The following TBC1D5 variants were observed in gnomAD, a reference collection of about 807,000 sequenced individuals.
TBC1D5 encodes TBC1 domain family member 5, also known as TBC1 domain family, member 5.
A neutral mutation model predicts 100.3 loss-of-function variants in TBC1D5; 75 were observed. The ratio of observed to expected loss-of-function variants is 0.75; its 90% CI spans 0.62 to 0.91. TBC1D5 has a LOEUF of 0.91. TBC1D5 is among the 40% of genes least tolerant of loss of function. The pLI is 0.00. For synonymous variants in TBC1D5, 323 were observed against 325.6 expected (o/e 0.99, Z 0.09); for missense variants, 910 against 942.4 (o/e 0.97, Z 0.45).
intron 3 of TBC1D5, among the ~76,000 whole-genome samples, chr3:17,490,678 T>C (rs2095629092): frequency 6.6e-6 from 1 of 152,230 alleles, no homozygotes; most frequent in Admixed American, 6.5e-5. Flanking sequence ...TCTATGTATC[T>C]GGTTTTGTAC....
intron 2 of TBC1D5, among the ~76,000 whole-genome samples, chr3:17,614,462 A>G (rs1348418101): frequency 6.6e-6 from 1 of 152,226 alleles, no homozygotes; most frequent in African/African-American, 2.4e-5. Context: ...TATTGAATCT[A>G]TAAATTACCC....
intron 2 of TBC1D5, among the ~76,000 whole-genome samples, chr3:17,512,688 C>T (rs1233221810): frequency 6.6e-6 from 1 of 152,172 alleles, no homozygotes; most frequent in Non-Finnish European, 1.5e-5. Context: ...AAGGCCCTAT[C>T]CTTCCTTTGT....
intron 2 of TBC1D5, among the ~76,000 whole-genome samples, chr3:17,610,110 T>C (rs985121507): frequency 9.9e-5 from 15 of 152,218 alleles, no homozygotes; most frequent in African/African-American, 3.6e-4. Flanking sequence ...CATATCCAAA[T>C]ATAAGCATTG....
At chr3:17,194,002 T>A (rs2125680088) in intron 18 of TBC1D5, among the ~76,000 whole-genome samples, 1 of 152,310 alleles carries the variant, frequency 6.6e-6, no homozygotes, top group Non-Finnish European at 1.5e-5. Flanking sequence ...TTTTTCGATC[T>A]TTAATATGAA....
intron 1 of TBC1D5, among the ~76,000 whole-genome samples, chr3:17,686,866 T>C (rs1475085486): frequency 6.6e-6 from 1 of 152,058 alleles, no homozygotes; most frequent in Non-Finnish European, 1.5e-5. Context: ...CATCCTACAA[T>C]GCACAGGATG....
chr3:17,582,580 A>G (rs2096705677), intron 2 of TBC1D5, among the ~76,000 whole-genome samples: 1 of 152,062 alleles, frequency 6.6e-6, no homozygotes, highest in Admixed American at 6.5e-5. Context: ...ATATTTAAAT[A>G]GGAGGTTGAG....
At chr3:17,308,159 C>G in intron 13 of TBC1D5, 25 bp from the exon 14 acceptor site, 1 of 1,560,864 alleles carries the variant, frequency 6.4e-7, no homozygotes, top group Non-Finnish European at 8.6e-7. Flanking sequence ...AACAAAAATT[C>G]AGAAGACAGT....
At chr3:17,648,543 C>T (rs945797870) in intron 1 of TBC1D5, among the ~76,000 whole-genome samples, 1 of 152,072 alleles carries the variant, frequency 6.6e-6, no homozygotes, top group Admixed American at 6.6e-5. Flanking sequence ...AAATAGACAA[C>T]GTACAGAATG....
intron 1 of TBC1D5, among the ~76,000 whole-genome samples, chr3:17,635,946 A>C (rs557594276): frequency 1.3e-5 from 2 of 152,310 alleles, no homozygotes; most frequent in East Asian, 3.9e-4. Context: ...TAATCTCAGC[A>C]CTTTGGGAGG....
chr3:17,381,433 A>C (rs1396041797), intron 9 of TBC1D5, among the ~76,000 whole-genome samples: 1 of 152,098 alleles, frequency 6.6e-6, no homozygotes, highest in African/African-American at 2.4e-5. Flanking sequence ...TTAAAGGAAA[A>C]GAGGAAATAA....
chr3:17,370,501 T>TA (rs1333586199), intron 13 of TBC1D5, among the ~76,000 whole-genome samples: 1 of 152,220 alleles, frequency 6.6e-6, no homozygotes, highest in Non-Finnish European at 1.5e-5. Context: ...TAGCAATTCA[T>TA]TAATAACCTG....
intron 13 of TBC1D5, among the ~76,000 whole-genome samples, chr3:17,327,216 G>T (rs543335811): frequency 7.2e-5 from 11 of 151,952 alleles, no homozygotes; most frequent in Non-Finnish European, 1.5e-4. Context: ...ATTTGCTAGT[G>T]GAAATTTACT....
intron 1 of TBC1D5, among the ~76,000 whole-genome samples, chr3:17,728,057 C>T (rs954660927): frequency 1.3e-5 from 2 of 151,818 alleles, no homozygotes; most frequent in African/African-American, 4.8e-5. Context: ...CAAGAGAAAC[C>T]CAAAAAGGCA....
rs545571452 is a variant in TBC1D5 at position 17,224,398 on chromosome 3, G to C, written c.1589-10028C>G. On this transcript the variant is annotated intron_variant, in intron 17 of 21. Coordinates refer to ENST00000253692, the Ensembl canonical transcript of TBC1D5. ...TATTCACACTTAAAAAGTAAAGAAA[G>C]ATAAAATTAATTTTAATAATCTATT... Among the ~76,000 whole-genome samples the C allele has an allele frequency of 1.2e-3, 186 of 152,244 alleles. 1 individual carries two copies. Among genetic ancestry groups the C allele is most frequent in the Middle Eastern group, 6.8e-3 (2 of 294 alleles).
intron 1 of TBC1D5, among the ~76,000 whole-genome samples, chr3:17,668,268 T>C (rs2067510059): frequency 6.6e-6 from 1 of 150,590 alleles, no homozygotes; most frequent in Non-Finnish European, 1.5e-5. Flanking sequence ...ACTAGAGGAA[T>C]GGGGGGGTGG....
At chr3:17,328,994 A>C (rs2151104813) in intron 13 of TBC1D5, among the ~76,000 whole-genome samples, 2 of 152,356 alleles carry the variant, frequency 1.3e-5, no homozygotes, top group Middle Eastern at 6.8e-3. Context: ...AGAGGAAAAA[A>C]GGAGTTGGAG....
At chr3:17,470,752 T>A (rs952255042) in intron 3 of TBC1D5, among the ~76,000 whole-genome samples, 1 of 151,990 alleles carries the variant, frequency 6.6e-6, no homozygotes, top group Non-Finnish European at 1.5e-5. Flanking sequence ...AAACCCTGTA[T>A]CTATTAAAAA....
At chr3:17,275,376 G>C (rs1024538047) in intron 15 of TBC1D5, among the ~76,000 whole-genome samples, 1 of 151,954 alleles carries the variant, frequency 6.6e-6, no homozygotes, top group Non-Finnish European at 1.5e-5. Flanking sequence ...CCGTCTCTAC[G>C]AAAGAGTGAA....
intron 2 of TBC1D5, among the ~76,000 whole-genome samples, chr3:17,541,527 G>C (rs1462806273): frequency 6.6e-6 from 1 of 152,026 alleles, no homozygotes; most frequent in Non-Finnish European, 1.5e-5. Context: ...ATTGCTTTTT[G>C]TGTGTTGGCA....
Sources: allele counts gnomAD v4.1 joint callset (sites outside exome capture counted in the v4.1 genomes callset), GRCh38; gene constraint gnomAD v4.1.1; transcripts MANE v1.5; gene names NCBI Gene and HGNC (gene_info 2026-07-23, HGNC 2026-07-21).